Variants in DLG2 observed in about 807,000 individuals in gnomAD.
DLG2 encodes disks large homolog 2.
Under a neutral mutation model 132.5 loss-of-function variants are expected in DLG2, and 45 were observed. The ratio of observed to expected loss-of-function variants is 0.34; its 90% confidence interval spans 0.27 to 0.44. The LOEUF (loss-of-function observed/expected upper bound fraction) is 0.44, where lower values mean the gene tolerates loss of function less well. Ranked by LOEUF, DLG2 falls within the 20% of genes least tolerant of loss-of-function variation. DLG2 has a pLI of 1.00. For synonymous variants in DLG2, 424 were observed against 419.6 expected (o/e 1.01, Z -0.13); for missense variants, 1,045 against 1,196.9 (o/e 0.87, Z 1.87).
At chr11:84,271,438 C>T (rs979492729) in intron 7 of DLG2, among the ~76,000 whole-genome samples, 13 of 152,178 alleles carry the variant, frequency 8.5e-5, no homozygotes, top group Non-Finnish European at 1.3e-4. Context: ...ATTAACACAT[C>T]CCTGCCCCTA....
chr11:84,029,445 G>A (rs1259211184), intron 11 of DLG2, among the ~76,000 whole-genome samples: 3 of 152,066 alleles, frequency 2.0e-5, no homozygotes, highest in African/African-American at 7.2e-5. Flanking sequence ...TCTCAAAAGC[G>A]AGCGAAAATT....
chr11:84,325,957 A>G (rs1165184943), intron 7 of DLG2, among the ~76,000 whole-genome samples: 1 of 152,062 alleles, frequency 6.6e-6, no homozygotes, highest in Non-Finnish European at 1.5e-5. Context: ...TTTTTTATTT[A>G]TGATTCAGTT....
chr11:84,332,651 C>T (rs1214713569), intron 7 of DLG2, among the ~76,000 whole-genome samples: 4 of 151,784 alleles, frequency 2.6e-5, no homozygotes, highest in Non-Finnish European at 5.9e-5. Flanking sequence ...GCCGCTTGTC[C>T]TTCTTTAAAC....
intron 10 of DLG2, among the ~76,000 whole-genome samples, chr11:84,068,110 T>C (rs1336285156): frequency 6.6e-6 from 1 of 152,174 alleles, no homozygotes; most frequent in East Asian, 1.9e-4. Context: ...TTTTCTTCCA[T>C]GTTGACTATA....
At chr11:84,934,284 T>C (rs1443455304) in intron 6 of DLG2, among the ~76,000 whole-genome samples, 1 of 152,098 alleles carries the variant, frequency 6.6e-6, no homozygotes, top group African/African-American at 2.4e-5. Context: ...TAGTATTTTG[T>C]TGAAAATATT....
At chr11:85,036,261 C>T (rs1566703551) in intron 6 of DLG2, among the ~76,000 whole-genome samples, 1 of 152,124 alleles carries the variant, frequency 6.6e-6, no homozygotes, top group African/African-American at 2.4e-5. Context: ...CCTTTCCAAG[C>T]ACTTCAGATC....
intron 5 of DLG2, among the ~76,000 whole-genome samples, chr11:85,146,227 C>CTCTCTCTCTCTCTCTCTCTCTCTCT (rs1555384682): frequency 7.7e-6 from 1 of 129,110 alleles, no homozygotes; most frequent in African/African-American, 3.1e-5. Flanking sequence ...TCTGTTTCTC[C>CTCTCTCTCTCTCTCTCTCTCTCTCT]CTCTCTCTCT....
chr11:84,654,417 G>A (rs184208596), intron 6 of DLG2, among the ~76,000 whole-genome samples: 17 of 152,224 alleles, frequency 1.1e-4, no homozygotes, highest in Admixed American at 1.0e-3. Flanking sequence ...CCTGGGGGGA[G>A]GGACTATTTT....
chr11:85,195,116 G>C (rs2080930557), intron 4 of DLG2, among the ~76,000 whole-genome samples: 1 of 152,156 alleles, frequency 6.6e-6, no homozygotes, highest in Non-Finnish European at 1.5e-5. Flanking sequence ...CTATGTTCCT[G>C]AGAAAAAGGT....
At chr11:83,839,611 T>A (rs1333755280) in intron 16 of DLG2, among the ~76,000 whole-genome samples, 3 of 152,132 alleles carry the variant, frequency 2.0e-5, no homozygotes, top group Admixed American at 6.5e-5. Context: ...AGAGGGAACT[T>A]AAACAATGAA....
At chr11:84,720,377 G>C in intron 6 of DLG2, 1 of 985,454 alleles carries the variant, frequency 1.0e-6, no homozygotes, top group Non-Finnish European at 1.2e-6. Context: ...AACAGTCAGG[G>C]TCCTTAACAA....
chr11:84,197,266 C>G (rs1191415787), intron 8 of DLG2, among the ~76,000 whole-genome samples: 3 of 151,964 alleles, frequency 2.0e-5, no homozygotes, highest in Non-Finnish European at 4.4e-5. Flanking sequence ...TTGAATGGGT[C>G]CCTAATGACT....
At chr11:83,998,247 T>TTTTG (rs2094154470) in intron 11 of DLG2, among the ~76,000 whole-genome samples, 1 of 152,204 alleles carries the variant, frequency 6.6e-6, no homozygotes, top group African/African-American at 2.4e-5. Flanking sequence ...AATTTTTCAA[T>TTTTG]TTTGTTTGTT....
chr11:84,542,639 T>C (rs1434576728), intron 6 of DLG2, among the ~76,000 whole-genome samples: 1 of 152,110 alleles, frequency 6.6e-6, no homozygotes, highest in Non-Finnish European at 1.5e-5. Flanking sequence ...GCACATATTC[T>C]AGAAGCAAGA....
At chr11:85,210,221 C>T (rs59813910) in intron 4 of DLG2, among the ~76,000 whole-genome samples, 1 of 152,070 alleles carries the variant, frequency 6.6e-6, no homozygotes, top group South Asian at 2.1e-4. Context: ...TAGAGTAGTG[C>T]TTAGGATATA....
At chr11:84,129,739 G>T (rs1038357589) in intron 9 of DLG2, among the ~76,000 whole-genome samples, 1 of 151,796 alleles carries the variant, frequency 6.6e-6, no homozygotes, top group African/African-American at 2.4e-5. Context: ...AGGTTTACAG[G>T]GAATAAGATC....
intron 6 of DLG2, among the ~76,000 whole-genome samples, chr11:84,700,395 T>C (rs1309299630): frequency 1.3e-5 from 2 of 151,470 alleles, no homozygotes; most frequent in Non-Finnish European, 3.0e-5. Flanking sequence ...CATGTAAAAA[T>C]TGATGTGTAT....
At chr11:83,470,215 A>G (rs1175218301) in intron 24 of DLG2, among the ~76,000 whole-genome samples, 1 of 152,068 alleles carries the variant, frequency 6.6e-6, no homozygotes, top group African/African-American at 2.4e-5. Flanking sequence ...GGGAAAAACC[A>G]AAATGTTCAT....
intron 3 of DLG2, among the ~76,000 whole-genome samples, chr11:85,457,063 T>G (rs2092446198): frequency 6.6e-6 from 1 of 152,224 alleles, no homozygotes; most frequent in Admixed American, 6.5e-5. Context: ...TGTGGGAATC[T>G]AGGTCTCTGA....
Sources: gnomAD v4.1 joint callset for allele counts (sites outside exome capture counted in the v4.1 genomes callset) on GRCh38, gnomAD v4.1.1 for gene constraint, MANE v1.5 for transcripts, NCBI Gene and HGNC (gene_info 2026-07-23, HGNC 2026-07-21) for gene names.